Variants in PTPRD observed in about 807,000 individuals in gnomAD.
The protein encoded by PTPRD is receptor-type tyrosine-protein phosphatase delta.
In PTPRD, 34 loss-of-function variants were observed where a neutral mutation model predicts 214.5. That is an observed-to-expected ratio of 0.16 (90% confidence interval 0.12 to 0.21). PTPRD has a LOEUF of 0.21. Among genes scored for constraint, PTPRD ranks in the 10% least tolerant of loss-of-function variants. PTPRD has a pLI of 1.00. For missense variants in PTPRD, 2,545 were observed against 2,398.7 expected, an observed-to-expected ratio of 1.06 and a Z score of -1.27; for synonymous variants, 1,128 against 845.7, an observed-to-expected ratio of 1.33 and a Z score of -5.79.
At chr9:10,254,571 T>A (rs1595450775) in intron 3 of PTPRD, among the ~76,000 whole-genome samples, 1 of 152,314 alleles carries the variant, frequency 6.6e-6, no homozygotes, top group East Asian at 1.9e-4. Context: ...AGAGGAAGGC[T>A]GTGCTCAGTG....
intron 7 of PTPRD, among the ~76,000 whole-genome samples, chr9:9,651,978 G>C (rs142984117): frequency 0.062 from 9,409 of 151,500 alleles, 399 homozygotes; most frequent in East Asian, 0.095. Context: ...GGGACCACAG[G>C]CGCCTGCCAC....
At chr9:9,994,124 C>G (rs1266325923) in intron 4 of PTPRD, among the ~76,000 whole-genome samples, 1 of 152,098 alleles carries the variant, frequency 6.6e-6, no homozygotes, top group African/African-American at 2.4e-5. Context: ...AAAGTCAGAG[C>G]TTGAAACCAG....
intron 4 of PTPRD, among the ~76,000 whole-genome samples, chr9:9,952,043 A>C (rs1268202676): frequency 1.3e-5 from 2 of 152,146 alleles, no homozygotes; most frequent in Admixed American, 6.6e-5. Context: ...TATTTTTGGC[A>C]AAGTATTGAG....
At chr9:9,730,040 C>A (rs910264366) in intron 7 of PTPRD, among the ~76,000 whole-genome samples, 8 of 152,020 alleles carry the variant, frequency 5.3e-5, no homozygotes, top group African/African-American at 1.9e-4. Context: ...ACAGTAACAT[C>A]ATTTTAACAC....
chr9:8,638,195 T>G (rs967183198), intron 12 of PTPRD, among the ~76,000 whole-genome samples: 7 of 151,998 alleles, frequency 4.6e-5, no homozygotes, highest in Non-Finnish European at 1.5e-5. Flanking sequence ...AAAAGTGGTT[T>G]TAAATAACCA....
chr9:9,584,275 A>T (rs1302651915), intron 7 of PTPRD, among the ~76,000 whole-genome samples: 1 of 151,724 alleles, frequency 6.6e-6, no homozygotes, highest in Non-Finnish European at 1.5e-5. Context: ...ACCCAATCTC[A>T]TTTAGATGAT....
chr9:8,763,747 G>A (rs1227937913), intron 11 of PTPRD, among the ~76,000 whole-genome samples: 2 of 150,418 alleles, frequency 1.3e-5, no homozygotes, highest in African/African-American at 4.9e-5. Flanking sequence ...TTTTCTAGAA[G>A]AGAATGATCA....
intron 11 of PTPRD, among the ~76,000 whole-genome samples, chr9:8,974,586 G>C (rs897542486): frequency 1.2e-4 from 18 of 151,932 alleles, no homozygotes; most frequent in African/African-American, 4.1e-4. Flanking sequence ...GTTGCCATCA[G>C]TAGAGGAATG....
intron 2 of PTPRD, among the ~76,000 whole-genome samples, chr9:10,386,965 A>G (rs1456630964): frequency 6.6e-6 from 1 of 151,876 alleles, no homozygotes; most frequent in East Asian, 2.0e-4. Context: ...GTGTCAGAGT[A>G]ATACAATATG....
chr9:9,959,041 C>A (rs535332691), intron 4 of PTPRD, among the ~76,000 whole-genome samples: 1 of 152,254 alleles, frequency 6.6e-6, no homozygotes, highest in South Asian at 2.1e-4. Flanking sequence ...CACACCAAAA[C>A]CTTCCTGCAA....
chr9:10,300,787 C>T (rs1276695834), intron 3 of PTPRD, among the ~76,000 whole-genome samples: 5 of 152,158 alleles, frequency 3.3e-5, no homozygotes, highest in African/African-American at 7.2e-5. Flanking sequence ...AGATAAGACC[C>T]CCATCTCCCT....
intron 2 of PTPRD, among the ~76,000 whole-genome samples, chr9:10,538,707 T>C (rs953796987): frequency 1.3e-5 from 2 of 152,166 alleles, no homozygotes; most frequent in Non-Finnish European, 2.9e-5. Flanking sequence ...CTGTTTATCT[T>C]TTAGATTCCA....
intron 5 of PTPRD, among the ~76,000 whole-genome samples, chr9:9,802,637 T>C (rs937836151): frequency 1.3e-5 from 2 of 150,650 alleles, no homozygotes; most frequent in East Asian, 3.9e-4. Flanking sequence ...CCCAGGATGC[T>C]AGGAACGTTT....
At chr9:8,915,853 A>T (rs901883217) in intron 11 of PTPRD, among the ~76,000 whole-genome samples, 2 of 152,158 alleles carry the variant, frequency 1.3e-5, no homozygotes, top group African/African-American at 4.8e-5. Flanking sequence ...TAATAAAAAC[A>T]CCCTTAGAGA....
intron 3 of PTPRD, among the ~76,000 whole-genome samples, chr9:10,065,529 C>T (rs1429034319): frequency 6.6e-6 from 1 of 151,762 alleles, no homozygotes; most frequent in East Asian, 1.9e-4. Flanking sequence ...TAGTGCTCAA[C>T]CATTTTCAGT....
intron 2 of PTPRD, among the ~76,000 whole-genome samples, chr9:10,463,826 C>T (rs1433752822): frequency 3.3e-5 from 5 of 151,880 alleles, no homozygotes; most frequent in Admixed American, 2.6e-4. Flanking sequence ...TTGTAATTCA[C>T]ATATGAAGAT....
intron 7 of PTPRD, among the ~76,000 whole-genome samples, chr9:9,679,903 T>C (rs1376419929): frequency 1.3e-5 from 2 of 151,822 alleles, no homozygotes; most frequent in African/African-American, 4.8e-5. Context: ...TGGAGTAAAA[T>C]AGTGTGCTTA....
intron 11 of PTPRD, among the ~76,000 whole-genome samples, chr9:8,775,262 C>G (rs899100056): frequency 1.3e-5 from 2 of 152,104 alleles, no homozygotes; most frequent in African/African-American, 4.8e-5. Flanking sequence ...TCTGTTTAAG[C>G]TTTGTTTACT....
At chr9:9,903,800 T>C (rs2076942688) in intron 5 of PTPRD, among the ~76,000 whole-genome samples, 1 of 152,148 alleles carries the variant, frequency 6.6e-6, no homozygotes, top group Admixed American at 6.6e-5. Context: ...CTTTATCTAA[T>C]TAACATGAAG....
Sources: gnomAD v4.1 joint callset for allele counts (sites outside exome capture counted in the v4.1 genomes callset) on GRCh38, gnomAD v4.1.1 for gene constraint, MANE v1.5 for transcripts, NCBI Gene and HGNC (gene_info 2026-07-23, HGNC 2026-07-21) for gene names.